HDAC4: variants seen among roughly 807,000 people sequenced by gnomAD.
HDAC4 encodes histone deacetylase 4.
HDAC4 carries 16 observed loss-of-function variants against 135.1 expected under a neutral mutation model. The observed-to-expected ratio is 0.12, with a 90% confidence interval of 0.08 to 0.18. The LOEUF is 0.18. Ranked by LOEUF, HDAC4 falls within the 10% of genes least tolerant of loss-of-function variation. The probability of loss-of-function intolerance (pLI) is 1.00; values close to 1 mark genes in which losing one functional copy is unlikely to be tolerated. For synonymous variants in HDAC4, 685 were observed against 653.4 expected, an observed-to-expected ratio of 1.05 and a Z score of -0.74; for missense variants, 1,143 against 1,511.8, an observed-to-expected ratio of 0.76 and a Z score of 4.05.
At chr2:239,270,887 C>T (rs928620928) in intron 2 of HDAC4, among the ~76,000 whole-genome samples, 3 of 152,152 alleles carry the variant, frequency 2.0e-5, no homozygotes, top group Non-Finnish European at 4.4e-5. Context: ...GGTAGGCTAG[C>T]TTTTGGCAAG....
At chr2:239,155,862 G>A (rs1057113202) in intron 7 of HDAC4, among the ~76,000 whole-genome samples, 12 of 152,144 alleles carry the variant, frequency 7.9e-5, no homozygotes, top group African/African-American at 2.4e-4. Flanking sequence ...GGCACTGCCC[G>A]CCCTCAGCAC....
At chr2:239,088,751 G>A (rs971599262) in intron 18 of HDAC4, among the ~76,000 whole-genome samples, 8 of 152,208 alleles carry the variant, frequency 5.3e-5, no homozygotes, top group African/African-American at 7.2e-5. Flanking sequence ...GGAAGGAAGC[G>A]TGAGAAACTG....
At position 239,126,606 on chromosome 2, in the gene HDAC4, C is replaced by T. The variant is rs766290604; in HGVS notation, c.1383G>A (p.Leu461=). ...ADRVSPSIHK[L]RQHRPLGRTQ... ...TCCGCCCCAGTGGGCGGTGCTGCCGCAGCTTGTGGATGGAGGGGGACACCC... is the reference window on the plus strand; with the variant it reads ...TCCGCCCCAGTGGGCGGTGCTGCCGTAGCTTGTGGATGGAGGGGGACACCC... The change falls in exon 12 of 27, where the codon CTG becomes CTA. Residue 461 remains leucine, a synonymous_variant. Transcript: ENST00000543185. 1.7e-5 allele frequency: 28 copies of T among 1,613,852 alleles called. No homozygotes were observed. In the African/African-American group the frequency reaches 2.4e-4, roughly 14 times the overall value.
At chr2:239,330,365 G>A (rs989143758) in intron 2 of HDAC4, among the ~76,000 whole-genome samples, 3 of 152,262 alleles carry the variant, frequency 2.0e-5, no homozygotes, top group Non-Finnish European at 4.4e-5. Flanking sequence ...AACCCTGCCT[G>A]GTTCCAAAGG....
intron 2 of HDAC4, among the ~76,000 whole-genome samples, chr2:239,241,460 TG>T (rs1445263709): frequency 6.6e-6 from 1 of 152,254 alleles, no homozygotes; most frequent in Non-Finnish European, 1.5e-5. Flanking sequence ...CTTTTTGACC[TG>T]TTTTTTGCCC....
chr2:239,214,308 A>G (rs2046502693), intron 3 of HDAC4, among the ~76,000 whole-genome samples: 1 of 152,234 alleles, frequency 6.6e-6, no homozygotes, highest in Admixed American at 6.5e-5. Context: ...CTCTGTCTGC[A>G]TACCTCCTCT....
At chr2:239,143,274 CA>C (rs1369220709) in intron 8 of HDAC4, among the ~76,000 whole-genome samples, 2 of 151,576 alleles carry the variant, frequency 1.3e-5, no homozygotes, top group African/African-American at 2.4e-5. Flanking sequence ...AAAAAAACAA[CA>C]AAAAAACGCA....
chr2:239,153,335 TAA>T (rs1332109219), intron 7 of HDAC4, among the ~76,000 whole-genome samples: 1 of 152,248 alleles, frequency 6.6e-6, no homozygotes, highest in African/African-American at 2.4e-5. Flanking sequence ...TAAGTTAATG[TAA>T]AATCAAAATC....
At chr2:239,371,339 ACACT>A (rs149036279) in intron 1 of HDAC4, among the ~76,000 whole-genome samples, 2,628 of 152,208 alleles carry the variant, frequency 0.017, 59 homozygotes, top group East Asian at 0.13. Flanking sequence ...AATCATGAAC[ACACT>A]CAAACACGCA....
chr2:239,171,548 T>C (rs1379127226), intron 5 of HDAC4, among the ~76,000 whole-genome samples: 2 of 152,198 alleles, frequency 1.3e-5, no homozygotes, highest in Non-Finnish European at 2.9e-5. Context: ...AAATCCCAGA[T>C]AGATTAAATG....
chr2:239,134,546 G>A lies in HDAC4; in HGVS notation c.1076C>T (p.Pro359Leu), dbSNP rs779460671. ...ACTTACCGCAGAGGGGCCGGTGGCA[G>A]GCAGGCCCAGCGTGATGTTGGGCAA... ...PSLPNITLGLPATGPSAGTAG... is the reference protein window; with the variant it reads ...PSLPNITLGLLATGPSAGTAG... Residue 359 changes from proline (P) to leucine (L), a missense_variant, in exon 10 of 27, where the codon CCT becomes CTT. Transcript: ENST00000543185. The A allele has an allele frequency of 6.2e-7, 1 of 1,614,088 alleles. No homozygotes were observed. Among genetic ancestry groups the A allele is most frequent in the Non-Finnish European group, 8.5e-7 (1 of 1,179,952 alleles).
intron 6 of HDAC4, among the ~76,000 whole-genome samples, chr2:239,158,446 T>C (rs996640463): frequency 1.3e-5 from 2 of 152,182 alleles, no homozygotes; most frequent in Non-Finnish European, 2.9e-5. Context: ...TACAGTGAAG[T>C]AGGAGTTGCA....
At chr2:239,213,018 C>T (rs1487193604) in intron 3 of HDAC4, among the ~76,000 whole-genome samples, 1 of 152,210 alleles carries the variant, frequency 6.6e-6, no homozygotes, top group Non-Finnish European at 1.5e-5. Context: ...TTGACTTGTT[C>T]ACTTCTTTAC....
intron 2 of HDAC4, among the ~76,000 whole-genome samples, chr2:239,253,116 T>G (rs944312885): frequency 6.6e-6 from 1 of 152,228 alleles, no homozygotes; most frequent in African/African-American, 2.4e-5. Context: ...CCTAAGATAT[T>G]AGAGTCTCGG....
Position 239,080,161 on chromosome 2 carries a change from C to A in HDAC4, c.2750+934G>T, listed in dbSNP as rs766996963. Among the ~76,000 whole-genome samples, 51 of 148,444 alleles carry A rather than the reference C, an allele frequency of 3.4e-4. 2 individuals carry two copies. Among genetic ancestry groups the A allele is most frequent in the Non-Finnish European group, 6.3e-4 (43 of 68,000 alleles). On this transcript the variant is annotated intron_variant, in intron 22 of 26. Transcript: ENST00000543185. The stretch of plus-strand genomic sequence containing the variant: ...ACACGCACGTGGACACACACATATG[C>A]AGACGTGCACTCACATCCATACACA...
rs186364793 is a variant in HDAC4, at chr2:239,295,982, G to A, written c.22+56696C>T. On this transcript the variant is annotated intron_variant, in intron 2 of 26. Coordinates refer to ENST00000543185, the MANE Select transcript of HDAC4 (RefSeq NM_001378414.1). ...CAGTAATTAGAGCTACCAGGCAATG[G>A]GCGCATCTACAGAGGGACTCTTCAT... 4.6e-5 allele frequency among the ~76,000 whole-genome samples: 7 copies of A among 152,320 alleles called. No homozygotes were observed. In the East Asian group the frequency reaches 1.4e-3, roughly 29 times the overall value.
Position 239,115,400 on chromosome 2 carries a change from T to G in HDAC4, c.1534-90A>C. 1.3e-6 allele frequency: 2 copies of G among 1,530,666 alleles called. No homozygotes were observed. Among genetic ancestry groups the G allele is most frequent in the Non-Finnish European group, 1.8e-6 (2 of 1,116,204 alleles). 94.8% of individuals were successfully genotyped at this position (1,530,666 alleles called of 1,614,324 possible). A position where few individuals can be genotyped will look rare whatever the true frequency, so the allele number is the denominator to read the frequency against. ...AAGGGATGCTGCAAACCCCACCCTCTGGGGCAGACAATCAGGGACTCAGGG... is the reference window on the plus strand; with the variant it reads ...AAGGGATGCTGCAAACCCCACCCTCGGGGGCAGACAATCAGGGACTCAGGG... On this transcript the variant is annotated intron_variant, in intron 12 of 26. Coordinates refer to ENST00000543185, the MANE Select transcript of HDAC4 (RefSeq NM_001378414.1). This position sits in a 1 kb window ranked among gnomAD's most constrained non-coding sequence, Gnocchi z 6.3.
intron 1 of HDAC4, among the ~76,000 whole-genome samples, chr2:239,359,131 C>T (rs914352215): frequency 6.6e-6 from 1 of 152,160 alleles, no homozygotes; most frequent in African/African-American, 2.4e-5. Flanking sequence ...ACATGAATTT[C>T]TCTTTAAAAA....
intron 22 of HDAC4, among the ~76,000 whole-genome samples, chr2:239,074,989 C>T (rs1459144520): frequency 6.6e-6 from 1 of 151,936 alleles, no homozygotes; most frequent in South Asian, 2.1e-4. Context: ...TTTGGGAGGC[C>T]GAGGCAGGCG....
Sources: gnomAD v4.1 joint callset for allele counts (sites outside exome capture counted in the v4.1 genomes callset) on GRCh38, gnomAD v4.1.1 for gene constraint, Gnocchi (gnomAD v3.1) non-coding constraint, MANE v1.5 for transcripts, NCBI Gene and HGNC (gene_info 2026-07-23, HGNC 2026-07-21) for gene names.